MPRIP: variants seen among roughly 807,000 people sequenced by gnomAD.
MPRIP encodes the protein myosin phosphatase Rho interacting protein, also known as myosin phosphatase Rho-interacting protein.
Under a neutral mutation model 234.9 loss-of-function variants are expected in MPRIP, and 59 were observed. The ratio of observed to expected loss-of-function variants is 0.25; its 90% CI spans 0.20 to 0.31. The LOEUF is 0.31. Ranked by LOEUF, MPRIP falls within the 10% of genes least tolerant of loss-of-function variation. The pLI is 1.00. For missense variants in MPRIP, 2,436 were observed against 3,071.0 expected, an observed-to-expected ratio of 0.79 and a Z score of 4.89; for synonymous variants, 1,144 against 1,263.9, an observed-to-expected ratio of 0.91 and a Z score of 2.01.
intron 5 of MPRIP, among the ~76,000 whole-genome samples, chr17:17,133,364 TTG>T (rs1293969621): frequency 2.6e-5 from 4 of 152,180 alleles, no homozygotes; most frequent in African/African-American, 9.6e-5. Flanking sequence ...CAAGTCAGTC[TTG>T]TGGGGTGACG....
At chr17:17,162,938 A>G (rs1052538036) in intron 15 of MPRIP, among the ~76,000 whole-genome samples, 14 of 152,224 alleles carry the variant, frequency 9.2e-5, no homozygotes, top group Non-Finnish European at 1.5e-4. Context: ...TTGCTAACCT[A>G]GGAACCTACC....
At chr17:17,059,486 GT>G (rs1479645142) in intron 1 of MPRIP, among the ~76,000 whole-genome samples, 1 of 152,248 alleles carries the variant, frequency 6.6e-6, no homozygotes, top group African/African-American at 2.4e-5. Context: ...GCAGTTCACT[GT>G]TCCAGGCTGC....
In MPRIP at chr17:17,136,417, T is replaced by A; in HGVS notation, c.703T>A (p.Ser235Thr). The A allele has an allele frequency of 1.9e-6, 3 of 1,610,182 alleles. No individual in the cohort carries two copies. The highest frequency in any genetic ancestry group is 2.5e-6 in the Non-Finnish European group (3 of 1,178,208). Residue 235 changes from serine (S) to threonine (T), a missense_variant, in exon 6 of 24, where the codon TCC becomes ACC. Transcript: ENST00000651222. ...CCAGAGCCAGCCTCCTGCTGCCAGC[T>A]CCCTGCGGGAACCTGGGCTAGAGAG... ...PSQSQPPAAS[S>T]LREPGLESKE...
chr17:17,172,682 G>T lies in MPRIP; in HGVS notation c.6473-16G>T. 28 of 1,604,280 alleles carry T rather than the reference G, an allele frequency of 1.7e-5. No individual in the cohort carries two copies. The highest frequency in any genetic ancestry group is 2.4e-5 in the Non-Finnish European group (28 of 1,174,638). On this transcript the variant is annotated splice_polypyrimidine_tract_variant and intron_variant, in intron 17 of 23. Coordinates refer to ENST00000651222, the MANE Select transcript of MPRIP (RefSeq NM_001364716.4). ...GGCGTGGTCCCTCGGTGCTGAGGCC[G>T]TGTCCTTGCCTGCAGCCATCGAAGC...
intron 1 of MPRIP, among the ~76,000 whole-genome samples, chr17:17,062,222 A>G (rs1176565257): frequency 1.3e-5 from 2 of 152,038 alleles, no homozygotes; most frequent in African/African-American, 4.8e-5. Context: ...TTCTGCCAGG[A>G]ATGACCAAGA....
rs765558796 is a variant in MPRIP, at chr17:17,175,366, C to A, written c.6824C>A (p.Ala2275Asp). The A allele has an allele frequency of 5.6e-5, 90 of 1,613,250 alleles. No homozygotes were observed. The highest frequency in any genetic ancestry group is 7.1e-5 in the Non-Finnish European group (84 of 1,179,910). The change falls in exon 20 of 24, where the codon GCC (alanine) becomes GAC (aspartate). Residue 2275 changes from alanine to aspartate, a missense_variant. Coordinates refer to ENST00000651222, the MANE Select transcript of MPRIP (RefSeq NM_001364716.4). ...CTGACTGGGGACGGCGGTGGGGAGG[C>A]CACTGGGTCACCCCTTGCACAGGGC... ...TLLTGDGGGEATGSPLAQGKD... is the reference protein window; with the variant it reads ...TLLTGDGGGEDTGSPLAQGKD...
At chr17:17,095,442 G>A (rs2089817587) in intron 3 of MPRIP, among the ~76,000 whole-genome samples, 1 of 152,120 alleles carries the variant, frequency 6.6e-6, no homozygotes, top group African/African-American at 2.4e-5. Context: ...TCCATTACAT[G>A]GAGAATGACA....
In MPRIP at chr17:17,137,998, C is replaced by A. The variant is rs1200865010; in HGVS notation, c.819C>A (p.Thr273=). The part of the protein sequence containing the change: ...VESGYFSLEK[T]KQDLKAEEQQ... Reference sequence around the variant, plus strand: ...GCGGCTACTTCTCTCTGGAGAAGACCAAACAGGACTTGAAGGCTGAAGAAC... The same window carrying A: ...GCGGCTACTTCTCTCTGGAGAAGACAAAACAGGACTTGAAGGCTGAAGAAC... The change falls in exon 7 of 24, where the codon ACC becomes ACA. Residue 273 remains threonine (T), a synonymous_variant. Transcript: ENST00000651222. The A allele has an allele frequency of 6.2e-7, 1 of 1,612,492 alleles. No homozygotes were observed. The highest frequency in any genetic ancestry group is 1.7e-5 in the Admixed American group (1 of 59,956).
At chr17:17,086,229 G>A (rs1446766768) in intron 3 of MPRIP, among the ~76,000 whole-genome samples, 1 of 152,086 alleles carries the variant, frequency 6.6e-6, no homozygotes, top group Non-Finnish European at 1.5e-5. Flanking sequence ...GGCTTTCAGG[G>A]CTGGCATGGC....
chr17:17,084,476 G>T (rs1238255596), intron 3 of MPRIP, among the ~76,000 whole-genome samples: 2 of 152,214 alleles, frequency 1.3e-5, no homozygotes, highest in African/African-American at 2.4e-5. Flanking sequence ...TAGATACCAT[G>T]TCCATTTCAC....
chr17:17,168,688 T>C (rs1264437142), intron 16 of MPRIP: 1 of 364,542 alleles, frequency 2.7e-6, no homozygotes, highest in Non-Finnish European at 5.5e-6. Flanking sequence ...CTGTCAAGCA[T>C]CATCCCTTAG....
At chr17:17,140,797 C>T (rs900342579) in intron 7 of MPRIP, among the ~76,000 whole-genome samples, 9 of 152,168 alleles carry the variant, frequency 5.9e-5, no homozygotes, top group African/African-American at 2.2e-4. Flanking sequence ...CCTGGTTGGC[C>T]TGCTGGTGAC....
chr17:17,169,860 G>T (rs1342765901), intron 16 of MPRIP, among the ~76,000 whole-genome samples: 2 of 152,232 alleles, frequency 1.3e-5, no homozygotes. Context: ...TGTCAGGAAT[G>T]ATTGGCTTAA....
intron 1 of MPRIP, among the ~76,000 whole-genome samples, chr17:17,066,012 T>A (rs1192093373): frequency 6.6e-6 from 1 of 152,232 alleles, no homozygotes; most frequent in Non-Finnish European, 1.5e-5. Context: ...TCCTGAAACT[T>A]TGTTGAACTC....
At chr17:17,089,848 G>T (rs889701643) in intron 3 of MPRIP, among the ~76,000 whole-genome samples, 1 of 152,224 alleles carries the variant, frequency 6.6e-6, no homozygotes, top group Admixed American at 6.5e-5. Flanking sequence ...ACCTGGAAGA[G>T]CCAGCCCCGT....
intron 3 of MPRIP, among the ~76,000 whole-genome samples, chr17:17,088,512 G>A (rs2089643520): frequency 6.6e-6 from 1 of 152,222 alleles, no homozygotes; most frequent in Non-Finnish European, 1.5e-5. Flanking sequence ...ATTTAGGGTT[G>A]AAAAAGCAAA....
At position 17,165,538 on chromosome 17, in the gene MPRIP, G is replaced by C; in HGVS notation, c.3947G>C (p.Gly1316Ala). ...GTAKLDQGAP[G>A]VKRQRIRFST... is the part of the protein sequence containing the mutation. ...GCCAAACTCGACCAAGGGGCACCTG[G>C]TGTTAAAAGGCAAAGAATCCGGTTC... is the stretch of plus-strand genomic sequence containing the variant. The change falls in exon 16 of 24, where the codon GGT becomes GCT. Residue 1316 changes from glycine (G) to alanine (A), a missense_variant. Physicochemically the swap from Gly to Ala is moderately conservative, Grantham distance 60 (BLOSUM62 0). Around this residue, in one of 4 missense-constraint regions of MPRIP, gnomAD observed 1,998 missense variants for 2,520.3 expected, o/e 0.79. Transcript: ENST00000651222. 3.1e-6 allele frequency: 4 copies of C among 1,304,508 alleles called. No individual in the cohort carries two copies. The highest frequency in any genetic ancestry group is 4.0e-6 in the Non-Finnish European group (4 of 989,006). 80.8% of individuals were successfully genotyped at this position (1,304,508 alleles called of 1,614,324 possible).
At chr17:17,089,447 A>G (rs1041829233) in intron 3 of MPRIP, among the ~76,000 whole-genome samples, 4 of 152,138 alleles carry the variant, frequency 2.6e-5, no homozygotes, top group Non-Finnish European at 4.4e-5. Context: ...CTCTTAGATC[A>G]GAATCTGGAT....
intron 3 of MPRIP, among the ~76,000 whole-genome samples, chr17:17,101,887 T>G (rs1488216671): frequency 1.3e-5 from 2 of 152,124 alleles, no homozygotes; most frequent in Non-Finnish European, 2.9e-5. Context: ...TGGCTCTACA[T>G]CCTGATGTCC....
Sources: gnomAD v4.1 joint callset for allele counts (sites outside exome capture counted in the v4.1 genomes callset) on GRCh38, gnomAD v4.1.1 for gene constraint, gnomAD v4.1.1 regional missense constraint, MANE v1.5 for transcripts, NCBI Gene and HGNC (gene_info 2026-07-23, HGNC 2026-07-21) for gene names.